NRXN3: variants seen among roughly 807,000 people sequenced by gnomAD.
NRXN3 encodes neurexin III.
In NRXN3, 32 loss-of-function variants were observed where a neutral mutation model predicts 137.6. The observed-to-expected ratio is 0.23, with a 90% CI of 0.18 to 0.31. NRXN3 has a LOEUF of 0.31. Among genes scored for constraint, NRXN3 ranks in the 10% least tolerant of loss-of-function variants. The probability of loss-of-function intolerance (pLI) is 1.00; values close to 1 mark genes in which losing one functional copy is unlikely to be tolerated. For missense variants in NRXN3, 1,574 were observed against 2,062.5 expected, an observed-to-expected ratio of 0.76 and a Z score of 4.59; for synonymous variants, 798 against 784.5, an observed-to-expected ratio of 1.02 and a Z score of -0.29.
At chr14:79,590,566 A>G (rs887614419) in intron 16 of NRXN3, among the ~76,000 whole-genome samples, 2 of 152,206 alleles carry the variant, frequency 1.3e-5, no homozygotes, top group African/African-American at 2.4e-5. Context: ...AAACATCTTT[A>G]GGCATCACAT....
chr14:78,568,131 T>C (rs1315135118), intron 4 of NRXN3, among the ~76,000 whole-genome samples: 3 of 152,198 alleles, frequency 2.0e-5, no homozygotes, highest in Non-Finnish European at 4.4e-5. Context: ...GTGGGGCTCA[T>C]GTTCTGATCT....
At chr14:79,308,606 A>C (rs1675153054) in intron 15 of NRXN3, among the ~76,000 whole-genome samples, 1 of 152,156 alleles carries the variant, frequency 6.6e-6, no homozygotes, top group African/African-American at 2.4e-5. Flanking sequence ...GGGTCTGTGC[A>C]TCTTTCTTAA....
chr14:78,692,883 CG>C (rs377539225), intron 6 of NRXN3, among the ~76,000 whole-genome samples: 7 of 149,574 alleles, frequency 4.7e-5, no homozygotes, highest in African/African-American at 1.5e-4. Flanking sequence ...GAGTTCAAGA[CG>C]AGCCTGGCCA....
At chr14:78,838,847 G>A (rs1034828087) in intron 10 of NRXN3, among the ~76,000 whole-genome samples, 10 of 152,104 alleles carry the variant, frequency 6.6e-5, no homozygotes, top group African/African-American at 1.9e-4. Context: ...TGCAGGGGTA[G>A]GTGGCCTCAG....
At chr14:79,850,251 A>G (rs1488419677) in intron 20 of NRXN3, among the ~76,000 whole-genome samples, 1 of 152,172 alleles carries the variant, frequency 6.6e-6, no homozygotes, top group African/African-American at 2.4e-5. Context: ...GACTGTTGAG[A>G]TGGTTCCCTC....
At chr14:79,820,369 G>A (rs1286550450) in intron 20 of NRXN3, among the ~76,000 whole-genome samples, 1 of 152,150 alleles carries the variant, frequency 6.6e-6, no homozygotes, top group Non-Finnish European at 1.5e-5. Context: ...AGCATCCTAT[G>A]TCCTGAGGTG....
chr14:79,166,395 A>G (rs1286358067), intron 15 of NRXN3, among the ~76,000 whole-genome samples: 1 of 151,746 alleles, frequency 6.6e-6, no homozygotes, highest in African/African-American at 2.4e-5. Context: ...AAATCTCCCA[A>G]AGATTCCATT....
intron 19 of NRXN3, among the ~76,000 whole-genome samples, chr14:79,772,780 A>T (rs2099083140): frequency 2.6e-5 from 4 of 152,228 alleles, no homozygotes; most frequent in Admixed American, 2.6e-4. Context: ...GACAAATGGG[A>T]TCTAATTAAA....
intron 10 of NRXN3, among the ~76,000 whole-genome samples, chr14:78,913,274 C>CTTTCTTTCTTTT (rs1225280841): frequency 2.1e-5 from 1 of 47,858 alleles, no homozygotes; most frequent in African/African-American, 1.0e-4. Context: ...TTCTTTCTTT[C>CTTTCTTTCTTTT]TTTTTTTTTT....
chr14:79,356,491 G>T (rs2093427100), intron 15 of NRXN3, among the ~76,000 whole-genome samples: 1 of 152,126 alleles, frequency 6.6e-6, no homozygotes, highest in South Asian at 2.1e-4. Context: ...GTGTTCAAAA[G>T]AGTGTTTATG....
intron 8 of NRXN3, among the ~76,000 whole-genome samples, chr14:78,793,298 C>A (rs2098811139): frequency 6.6e-6 from 1 of 152,016 alleles, no homozygotes; most frequent in Non-Finnish European, 1.5e-5. Context: ...GAAATGGAAA[C>A]ACTTGGTGAG....
At chr14:78,184,538 A>G (rs764174424) in intron 1 of NRXN3, among the ~76,000 whole-genome samples, 7 of 152,246 alleles carry the variant, frequency 4.6e-5, no homozygotes, top group Non-Finnish European at 7.3e-5. Context: ...TCAGAAAATA[A>G]GAAAGGGAGA....
chr14:78,570,785 T>C (rs2096882311), intron 4 of NRXN3, among the ~76,000 whole-genome samples: 3 of 152,338 alleles, frequency 2.0e-5, no homozygotes, highest in African/African-American at 7.2e-5. Context: ...TTGGTGACTT[T>C]TTAAAGCCGC....
intron 1 of NRXN3, among the ~76,000 whole-genome samples, chr14:78,197,997 A>G (rs1267690881): frequency 6.6e-6 from 1 of 152,200 alleles, no homozygotes; most frequent in East Asian, 1.9e-4. Context: ...GTTTTCAGTC[A>G]AGAGATAAAT....
At chr14:78,310,518 G>A (rs961866396) in intron 4 of NRXN3, among the ~76,000 whole-genome samples, 2 of 151,980 alleles carry the variant, frequency 1.3e-5, no homozygotes, top group African/African-American at 2.4e-5. Context: ...CCAGGCATAC[G>A]CTCCCTTGTT....
intron 16 of NRXN3, among the ~76,000 whole-genome samples, chr14:79,546,377 C>A (rs1156289805): frequency 6.6e-6 from 1 of 152,160 alleles, no homozygotes; most frequent in Non-Finnish European, 1.5e-5. Flanking sequence ...TTCCTAAAAT[C>A]CTAAAAGTTT....
At chr14:79,223,762 T>C (rs1310258113) in intron 15 of NRXN3, among the ~76,000 whole-genome samples, 1 of 152,158 alleles carries the variant, frequency 6.6e-6, no homozygotes, top group Non-Finnish European at 1.5e-5. Context: ...ATCAACATTA[T>C]ATATGATGAT....
intron 19 of NRXN3, among the ~76,000 whole-genome samples, chr14:79,728,672 G>A (rs1477783439): frequency 2.6e-5 from 4 of 152,218 alleles, no homozygotes; most frequent in Non-Finnish European, 5.9e-5. Context: ...GGAGCGGAGA[G>A]GTGCCATAAT....
chr14:78,259,052 A>G (rs1293173366), intron 2 of NRXN3, among the ~76,000 whole-genome samples: 1 of 151,920 alleles, frequency 6.6e-6, no homozygotes, highest in African/African-American at 2.4e-5. Flanking sequence ...GAATCACTTG[A>G]ACCTGGGAGG....
Sources: allele counts gnomAD v4.1 joint callset (sites outside exome capture counted in the v4.1 genomes callset), GRCh38; gene constraint gnomAD v4.1.1; transcripts MANE v1.5; gene names NCBI Gene and HGNC (gene_info 2026-07-23, HGNC 2026-07-21).